Variants in SYNGR1 observed in about 807,000 individuals in gnomAD.
The protein encoded by SYNGR1 is synaptogyrin 1.
Under a neutral mutation model 26.1 loss-of-function variants are expected in SYNGR1, and 14 were observed. The ratio of observed to expected loss-of-function variants is 0.54; its 90% CI spans 0.35 to 0.84. The LOEUF is 0.84. Among genes scored for constraint, SYNGR1 ranks in the 40% least tolerant of loss-of-function variants. The pLI is 0.01. For synonymous variants in SYNGR1, 141 were observed against 150.1 expected, an observed-to-expected ratio of 0.94 and a Z score of 0.44; for missense variants, 319 against 332.9, an observed-to-expected ratio of 0.96 and a Z score of 0.33.
chr22:39,350,037 C>A lies in SYNGR1; in HGVS notation c.27C>A (p.Gly9=). ...TGGAAGGGGGTGCGTACGGAGCGGGCAAAGCCGGGGGCGCCTTCGACCCCT... is the reference window on the plus strand; with the variant it reads ...TGGAAGGGGGTGCGTACGGAGCGGGAAAAGCCGGGGGCGCCTTCGACCCCT... MEGGAYGA[G]KAGGAFDPYT... Residue 9 remains glycine, a synonymous_variant, in exon 1 of 4, where the codon GGC becomes GGA. Transcript: ENST00000328933. The surrounding 1 kb of genome is among the most constrained non-coding windows in gnomAD (Gnocchi z 4.3). 1 of 1,405,218 alleles carries A rather than the reference C, an allele frequency of 7.1e-7. No individual in the cohort carries two copies. Among genetic ancestry groups the A allele is most frequent in the Non-Finnish European group, 9.4e-7 (1 of 1,061,450 alleles). The allele number at this position is 1,405,218 out of a possible 1,614,324, so 87.0% of individuals were successfully genotyped here.
At chr22:39,357,798 T>C (rs1356939445) in intron 1 of SYNGR1, among the ~76,000 whole-genome samples, 1 of 152,348 alleles carries the variant, frequency 6.6e-6, no homozygotes, top group South Asian at 2.1e-4. Flanking sequence ...CCACCGGCGC[T>C]GCGCTCGATT....
intron 1 of SYNGR1, among the ~76,000 whole-genome samples, chr22:39,358,676 C>T (rs954699707): frequency 9.9e-5 from 15 of 152,278 alleles, no homozygotes; most frequent in Non-Finnish European, 2.9e-5. Flanking sequence ...CACATCCGAA[C>T]ATCAGAAGGA....
At chr22:39,358,764 G>A (rs1924310388) in intron 1 of SYNGR1, among the ~76,000 whole-genome samples, 1 of 152,108 alleles carries the variant, frequency 6.6e-6, no homozygotes, top group South Asian at 2.1e-4. Context: ...AAGTCAGTGA[G>A]ACCAAGAACC....
At chr22:39,370,664 CT>C (rs761087227) in intron 1 of SYNGR1, among the ~76,000 whole-genome samples, 72 of 151,032 alleles carry the variant, frequency 4.8e-4, no homozygotes, top group Non-Finnish European at 9.7e-4. Flanking sequence ...GCTCTGTCGG[CT>C]GGAGTGCAGT....
rs761214934 is a variant in SYNGR1, at chr22:39,376,147, G to T, written c.433G>T (p.Asp145Tyr). 3.1e-5 allele frequency: 50 copies of T among 1,614,078 alleles called. No homozygotes were observed. The highest frequency in any genetic ancestry group is 4.0e-5 in the Non-Finnish European group (47 of 1,180,058). ...PKDNPLNEGT[D>Y]AARAAIAFSF... ...GGACAACCCACTGAACGAAGGGACG[G>T]ACGCAGCCCGGGCCGCCATCGCCTT... The change falls in exon 3 of 4, where the codon GAC becomes TAC. Residue 145 changes from aspartate to tyrosine, a missense_variant. By Grantham distance (160) the Asp-to-Tyr change is radical. Transcript: ENST00000328933.
intron 1 of SYNGR1, among the ~76,000 whole-genome samples, chr22:39,359,267 C>G (rs1924340717): frequency 6.6e-6 from 1 of 152,136 alleles, no homozygotes; most frequent in Non-Finnish European, 1.5e-5. Context: ...CACACCAGCA[C>G]TGGGTCGCCC....
At chr22:39,351,589 C>T (rs1282310449) in intron 1 of SYNGR1, among the ~76,000 whole-genome samples, 1 of 152,260 alleles carries the variant, frequency 6.6e-6, no homozygotes, top group Non-Finnish European at 1.5e-5. Context: ...GGCGGGTGGG[C>T]TGCGTTCACT....
At chr22:39,357,959 G>A (rs968222923) in intron 1 of SYNGR1, among the ~76,000 whole-genome samples, 3 of 152,220 alleles carry the variant, frequency 2.0e-5, no homozygotes, top group South Asian at 2.1e-4. Flanking sequence ...TAGTCCCATC[G>A]ACCACCCAAG....
intron 1 of SYNGR1, among the ~76,000 whole-genome samples, chr22:39,361,225 T>C (rs1378210054): frequency 2.0e-5 from 3 of 152,142 alleles, no homozygotes; most frequent in Non-Finnish European, 4.4e-5. Flanking sequence ...GGGACCAGAT[T>C]ATTTCCCTGA....
intron 1 of SYNGR1, among the ~76,000 whole-genome samples, chr22:39,354,578 G>A (rs1217879262): frequency 6.6e-6 from 1 of 152,174 alleles, no homozygotes; most frequent in Non-Finnish European, 1.5e-5. Context: ...GGTGGCTCAC[G>A]CCTATAATCC....
chr22:39,380,246 G>A (rs1925454117), intron 3 of SYNGR1, among the ~76,000 whole-genome samples: 1 of 151,390 alleles, frequency 6.6e-6, no homozygotes, highest in African/African-American at 2.4e-5. Context: ...AGATGATCCT[G>A]AAACTTGTTT....
Position 39,382,265 on chromosome 22 carries a change from A to G in SYNGR1, c.*351A>G. The stretch of plus-strand genomic sequence containing the variant: ...GAAATGGCCACTGGAAAGGGGAGCG[A>G]TGAGCTGTGGAGGAAGCCCTGGTGG... On this transcript the variant is annotated 3_prime_UTR_variant, in exon 4 of 4. Coordinates refer to ENST00000328933, the MANE Select transcript of SYNGR1 (RefSeq NM_004711.5). The G allele has an allele frequency of 2.5e-6, 1 of 405,856 alleles. No individual in the cohort carries two copies. The highest frequency in any genetic ancestry group is 4.6e-6 in the Non-Finnish European group (1 of 215,490). 25.1% of individuals were successfully genotyped at this position (405,856 alleles called of 1,614,324 possible).
intron 1 of SYNGR1, among the ~76,000 whole-genome samples, chr22:39,358,459 T>C (rs770230974): frequency 6.6e-6 from 1 of 152,212 alleles, no homozygotes; most frequent in African/African-American, 2.4e-5. Flanking sequence ...GCTCACTCTT[T>C]GGGTCCACAC....
At chr22:39,352,964 C>T (rs962606537) in intron 1 of SYNGR1, among the ~76,000 whole-genome samples, 1 of 152,140 alleles carries the variant, frequency 6.6e-6, no homozygotes, top group Non-Finnish European at 1.5e-5. Context: ...CAGGTTCAAG[C>T]AACTCTACTG....
intron 1 of SYNGR1, among the ~76,000 whole-genome samples, chr22:39,366,240 C>T (rs1228618744): frequency 2.7e-5 from 4 of 146,324 alleles, no homozygotes; most frequent in African/African-American, 7.6e-5. Flanking sequence ...CCACCTACCT[C>T]GGCCTCCCAA....
intron 2 of SYNGR1, chr22:39,375,136 G>A (rs770762805): frequency 6.0e-6 from 1 of 165,824 alleles, no homozygotes; most frequent in Non-Finnish European, 1.3e-5. Context: ...GTCCGAACCC[G>A]AGGCTTCAGC....
At position 39,372,689 on chromosome 22, in the gene SYNGR1, G is replaced by A. The variant is rs1036257752; in HGVS notation, c.100-1627G>A. On this transcript the variant is annotated intron_variant, in intron 1 of 3. Transcript: ENST00000328933. Reference sequence around the variant, plus strand: ...TCTCCATGTTGGCTAGGCTGGTCCCGAACTCCTGACCTCAGGTGATCCACC... The same window carrying A: ...TCTCCATGTTGGCTAGGCTGGTCCCAAACTCCTGACCTCAGGTGATCCACC... Among the ~76,000 whole-genome samples the A allele has an allele frequency of 1.5e-4, 22 of 150,434 alleles. No individual in the cohort carries two copies. The East Asian group carries it at 2.0e-3, about 14-fold the overall frequency.
At chr22:39,358,059 C>A (rs562975000) in intron 1 of SYNGR1, among the ~76,000 whole-genome samples, 27 of 152,386 alleles carry the variant, frequency 1.8e-4, no homozygotes, top group Non-Finnish European at 3.2e-4. Context: ...GCCAGCTGGG[C>A]TCCTGAGTCT....
At chr22:39,374,692 C>A in intron 2 of SYNGR1, 139 bp downstream of exon 2, 1 of 912,776 alleles carries the variant, frequency 1.1e-6, no homozygotes, top group Non-Finnish European at 1.7e-6. Flanking sequence ...GACTCAGGGT[C>A]ACATGGCTGG....
Sources: gnomAD v4.1 joint callset for allele counts (sites outside exome capture counted in the v4.1 genomes callset) on GRCh38, gnomAD v4.1.1 for gene constraint, Gnocchi (gnomAD v3.1) non-coding constraint, MANE v1.5 for transcripts, NCBI Gene and HGNC (gene_info 2026-07-23, HGNC 2026-07-21) for gene names.